The following SLC18A1 variants were observed in gnomAD, a reference collection of about 807,000 sequenced individuals.
SLC18A1 encodes the protein solute carrier family 18 member A1, also known as chromaffin granule amine transporter.
In SLC18A1, 69 loss-of-function variants were observed where a neutral mutation model predicts 53.7. That is an observed-to-expected ratio of 1.28 (90% CI 1.06 to 1.57). The LOEUF (loss-of-function observed/expected upper bound fraction) is 1.57. Among genes scored for constraint, SLC18A1 ranks in the 40% most tolerant of loss-of-function variants. SLC18A1 has a pLI of 0.00. For synonymous variants in SLC18A1, 320 were observed against 248.1 expected, an observed-to-expected ratio of 1.29 and a Z score of -2.72; for missense variants, 932 against 668.1, an observed-to-expected ratio of 1.40 and a Z score of -4.35.
At chr8:20,149,633 GCT>G in intron 12 of SLC18A1, 41 bp downstream of exon 12, 10 of 1,177,130 alleles carry the variant, frequency 8.5e-6, no homozygotes, top group African/African-American at 1.8e-5. Flanking sequence ...TCTGTCTCTC[GCT>G]CTCTCTCTCC....
At chr8:20,164,185 C>T (rs2071896201) in intron 10 of SLC18A1, among the ~76,000 whole-genome samples, 1 of 152,114 alleles carries the variant, frequency 6.6e-6, no homozygotes, top group Non-Finnish European at 1.5e-5. Context: ...GAGCAATTTG[C>T]ACGTAGCCTT....
chr8:20,160,194 A>G (rs1033412725), intron 10 of SLC18A1, among the ~76,000 whole-genome samples: 5 of 150,642 alleles, frequency 3.3e-5, no homozygotes, highest in Non-Finnish European at 7.4e-5. Context: ...TCTGTTGCAA[A>G]CTGTACCCAT....
At chr8:20,165,295 C>A (rs1169316432) in intron 8 of SLC18A1, among the ~76,000 whole-genome samples, 188 bp from the exon 9 acceptor site, 2 of 152,132 alleles carry the variant, frequency 1.3e-5, no homozygotes, top group African/African-American at 4.8e-5. Context: ...AAGCTGGAGG[C>A]AGGACCCCTC....
intron 13 of SLC18A1, 64 bp from the exon 14 acceptor site, chr8:20,147,786 T>A (rs2071440430): frequency 1.9e-6 from 3 of 1,591,322 alleles, no homozygotes; most frequent in Non-Finnish European, 2.6e-6. Context: ...CCGCCTCTCC[T>A]CCTCCATTTA....
chr8:20,155,416 A>G (rs559930028), intron 10 of SLC18A1, among the ~76,000 whole-genome samples: 2 of 152,110 alleles, frequency 1.3e-5, no homozygotes, highest in South Asian at 4.2e-4. Context: ...ACAACACCCA[A>G]TCCTTCTAGG....
chr8:20,171,221 T>A, intron 7 of SLC18A1, 75 bp from the exon 8 acceptor site: 2 of 1,489,062 alleles, frequency 1.3e-6, no homozygotes, highest in South Asian at 2.3e-5. Context: ...GCTGTAGTGC[T>A]ACCACCCTAT....
chr8:20,164,353 A>T (rs1256366910), intron 10 of SLC18A1, among the ~76,000 whole-genome samples: 3 of 152,088 alleles, frequency 2.0e-5, no homozygotes, highest in Non-Finnish European at 4.4e-5. Context: ...TAGAGGTAAA[A>T]AAGATAACCA....
At chr8:20,150,101 G>A (rs1203619985) in intron 11 of SLC18A1, among the ~76,000 whole-genome samples, 2 of 152,282 alleles carry the variant, frequency 1.3e-5, no homozygotes, top group South Asian at 4.1e-4. Flanking sequence ...GGTCCTTGAG[G>A]TCTGTCTCAA....
chr8:20,150,410 G>T (rs1000493390), intron 11 of SLC18A1, among the ~76,000 whole-genome samples: 2 of 152,156 alleles, frequency 1.3e-5, no homozygotes, highest in African/African-American at 4.8e-5. Context: ...GACAGCAAAT[G>T]GATGGAAAGT....
At chr8:20,162,142 C>T (rs572867562) in intron 10 of SLC18A1, among the ~76,000 whole-genome samples, 1 of 152,302 alleles carries the variant, frequency 6.6e-6, no homozygotes, top group Admixed American at 6.5e-5. Context: ...CACTGAAACG[C>T]AGAGAGCAGA....
At chr8:20,147,783 T>C in intron 13 of SLC18A1, 61 bp from the exon 14 acceptor site, 1 of 1,592,620 alleles carries the variant, frequency 6.3e-7, no homozygotes. Flanking sequence ...ACCCCGCCTC[T>C]CCTCCTCCAT....
intron 12 of SLC18A1, among the ~76,000 whole-genome samples, chr8:20,149,346 T>G (rs542087472): frequency 6.6e-6 from 1 of 151,970 alleles, no homozygotes; most frequent in Non-Finnish European, 1.5e-5. Flanking sequence ...GATACCAACA[T>G]GTATCACTTC....
Position 20,151,179 on chromosome 8 carries a change from T to C in SLC18A1, c.1016-435A>G, listed in dbSNP as rs995699939. Among the ~76,000 whole-genome samples the C allele has an allele frequency of 7.9e-5, 12 of 151,042 alleles. 1 individual carries two copies. The highest frequency in any genetic ancestry group is 2.7e-4 in the African/African-American group (11 of 41,026). On this transcript the variant is annotated intron_variant, in intron 10 of 15. Coordinates refer to ENST00000276373, the MANE Select transcript of SLC18A1 (RefSeq NM_003053.4). ...TTTTGTTTGTTTGTTTGTTTGTTTGTTTTGTAGAGATGGAGTCTCGTCATG... is the reference window on the plus strand; with the variant it reads ...TTTTGTTTGTTTGTTTGTTTGTTTGCTTTGTAGAGATGGAGTCTCGTCATG...
rs2072105750 is a variant in SLC18A1 at position 20,171,163 on chromosome 8, G to A, written c.815-17C>T. 1 of 1,614,082 alleles carries A rather than the reference G, an allele frequency of 6.2e-7. No homozygotes were observed. Among genetic ancestry groups the A allele is most frequent in the Non-Finnish European group, 8.5e-7 (1 of 1,179,930 alleles). On this transcript the variant is annotated splice_polypyrimidine_tract_variant and intron_variant, in intron 7 of 15. Transcript: ENST00000276373. The stretch of plus-strand genomic sequence containing the variant: ...GCTGGAGTGCTAAGAAACAAAGAAG[G>A]TGAGACAGTTCAGCGTGTCTACTGA...
intron 10 of SLC18A1, among the ~76,000 whole-genome samples, chr8:20,158,308 A>G (rs1417704267): frequency 1.3e-5 from 2 of 152,126 alleles, no homozygotes; most frequent in Non-Finnish European, 2.9e-5. Flanking sequence ...TGACTGGAGA[A>G]CTTTGCTCTT....
Position 20,156,553 on chromosome 8 carries a change from C to T in SLC18A1, c.1016-5809G>A, listed in dbSNP as rs553332748. 2.6e-4 allele frequency among the ~76,000 whole-genome samples: 39 copies of T among 152,244 alleles called. 1 individual carries two copies. Among genetic ancestry groups the T allele is most frequent in the African/African-American group, 8.7e-4 (36 of 41,538 alleles). On this transcript the variant is annotated intron_variant, in intron 10 of 15. Transcript: ENST00000276373. ...TGTAGAAGCAGAGTTGGGAAAATTGCCTAATAATTGGTCTGCTCAAAGGTG... is the reference window on the plus strand; with the variant it reads ...TGTAGAAGCAGAGTTGGGAAAATTGTCTAATAATTGGTCTGCTCAAAGGTG...
intron 8 of SLC18A1, among the ~76,000 whole-genome samples, chr8:20,168,960 A>C (rs866672391): frequency 2.6e-5 from 4 of 152,200 alleles, no homozygotes; most frequent in Admixed American, 1.3e-4. Flanking sequence ...AAATCTAGGC[A>C]GAAAGGAAAT....
chr8:20,169,590 G>A (rs1363419730), intron 8 of SLC18A1, among the ~76,000 whole-genome samples: 1 of 152,124 alleles, frequency 6.6e-6, no homozygotes, highest in South Asian at 2.1e-4. Flanking sequence ...TAGAAAGAGA[G>A]AGAATGGGCT....
chr8:20,154,815 C>T (rs1418494148), intron 10 of SLC18A1, among the ~76,000 whole-genome samples: 2 of 152,186 alleles, frequency 1.3e-5, no homozygotes, highest in African/African-American at 4.8e-5. Context: ...TGTTCTGGCT[C>T]GAGCTGAGCT....
Sources: allele counts gnomAD v4.1 joint callset (sites outside exome capture counted in the v4.1 genomes callset), GRCh38; gene constraint gnomAD v4.1.1; transcripts MANE v1.5; gene names NCBI Gene and HGNC (gene_info 2026-07-23, HGNC 2026-07-21).